The following TEX55 variants were observed in gnomAD, a reference collection of about 807,000 sequenced individuals.
The protein encoded by TEX55 is testis-specific expressed protein 55.
TEX55 carries 31 observed loss-of-function variants against 44.6 expected under a neutral mutation model. The ratio of observed to expected loss-of-function variants is 0.69; its 90% CI spans 0.52 to 0.94. The LOEUF is 0.94. Among genes scored for constraint, TEX55 ranks in the 40% least tolerant of loss-of-function variants. The pLI is 0.00. For synonymous variants in TEX55, 230 were observed against 230.9 expected (o/e 1.00, Z 0.04); for missense variants, 639 against 638.4 (o/e 1.00, Z -0.01).
At position 119,147,036 on chromosome 3, in the gene TEX55, G is replaced by A. The variant is rs771481285; in HGVS notation, c.847G>A (p.Asp283Asn). The change falls in exon 1 of 3, where the codon GAC becomes AAC. Residue 283 changes from aspartate (D) to asparagine (N), a missense_variant. Coordinates refer to ENST00000295622, the MANE Select transcript of TEX55 (RefSeq NM_152539.3). ...TGACTACAGATTGGCTGGCCTGGCT[G>A]ACCCAGGAACTTCTGAGCAGACTGA... ...KTDYRLAGLA[D>N]PGTSEQTDLR... 1 of 1,614,208 alleles carries A rather than the reference G, an allele frequency of 6.2e-7. No individual in the cohort carries two copies. Among genetic ancestry groups the A allele is most frequent in the Admixed American group, 1.7e-5 (1 of 60,028 alleles).
At chr3:119,151,139 T>C (rs2077777424) in intron 2 of TEX55, 85 bp from the exon 3 acceptor site, 1 of 869,782 alleles carries the variant, frequency 1.1e-6, no homozygotes, top group South Asian at 1.4e-5. Context: ...TGTGTTAGGT[T>C]AGTGGGAAAG....
chr3:119,146,967 C>G lies in TEX55; in HGVS notation c.778C>G (p.Arg260Gly), dbSNP rs758956113. ...SDQRPSVQID[R>G]RMSGKVRRRS... ...CCAAAGACCTTCCGTACAGATTGAC[C>G]GCAGAATGTCAGGGAAAGTTAGGAG... The change falls in exon 1 of 3, where the codon CGC becomes GGC. Residue 260 changes from arginine to glycine, a missense_variant. Physicochemically the swap from Arg to Gly is moderately radical, Grantham distance 125. Coordinates refer to ENST00000295622, the MANE Select transcript of TEX55 (RefSeq NM_152539.3). The G allele has an allele frequency of 6.2e-6, 10 of 1,614,062 alleles. No individual in the cohort carries two copies. The highest frequency in any genetic ancestry group is 7.6e-6 in the Non-Finnish European group (9 of 1,180,046).
At position 119,147,064 on chromosome 3, in the gene TEX55, T is replaced by A; in HGVS notation, c.875T>A (p.Leu292His). ...CCAGGAACTTCTGAGCAGACTGACC[T>A]CAGATTGTATGGCCTCGTTGACCAC... ...ADPGTSEQTDLRLYGLVDHKT... is the reference protein window; with the variant it reads ...ADPGTSEQTDHRLYGLVDHKT... The change falls in exon 1 of 3, where the codon CTC becomes CAC. Residue 292 changes from leucine (L) to histidine (H), a missense_variant. By Grantham distance (99) the Leu-to-His change is moderately conservative. Transcript: ENST00000295622. 1 of 1,614,184 alleles carries A rather than the reference T, an allele frequency of 6.2e-7. No homozygotes were observed. The highest frequency in any genetic ancestry group is 8.5e-7 in the Non-Finnish European group (1 of 1,180,034).
In TEX55 at chr3:119,147,204, C is replaced by T. The variant is rs2077736549; in HGVS notation, c.1015C>T (p.His339Tyr). ...NADQPPVDNA[H>Y]YTESDQTDHL... The stretch of plus-strand genomic sequence containing the variant: ...TGATCAACCTCCAGTTGACAATGCT[C>T]ACTACACTGAATCTGACCAGACTGA... The change falls in exon 1 of 3, where the codon CAC (histidine) becomes TAC (tyrosine). Residue 339 changes from histidine to tyrosine, a missense_variant. His to Tyr is a moderately conservative substitution (Grantham distance 83). Transcript: ENST00000295622. The T allele has an allele frequency of 1.1e-5, 17 of 1,614,140 alleles. No homozygotes were observed. Among genetic ancestry groups the T allele is most frequent in the Non-Finnish European group, 1.4e-5 (16 of 1,180,036 alleles).
At position 119,147,531 on chromosome 3, in the gene TEX55, TCCAAATTGAACTATA is replaced by T; in HGVS notation, c.1346_1360del (p.Lys449_Thr453del). 1 of 1,613,994 alleles carries T rather than the reference TCCAAATTGAACTATA, an allele frequency of 6.2e-7. No individual in the cohort carries two copies. The highest frequency in any genetic ancestry group is 8.5e-7 in the Non-Finnish European group (1 of 1,180,012). ...TTTCCCAAGACTCCCCTCCATCTCATCCAAATTGAACTATACCAGCAGTCAAGAAAAAACTCAAGC... is the reference window on the plus strand; with the variant it reads ...TTTCCCAAGACTCCCCTCCATCTCATCCAGCAGTCAAGAAAAAACTCAAGC... On this transcript the variant is annotated inframe_deletion, in exon 1 of 3. Transcript: ENST00000295622.
chr3:119,146,232 C>T lies in TEX55; in HGVS notation c.43C>T (p.His15Tyr). 1 of 1,606,860 alleles carries T rather than the reference C, an allele frequency of 6.2e-7. No individual in the cohort carries two copies. The highest frequency in any genetic ancestry group is 8.5e-7 in the Non-Finnish European group (1 of 1,175,876). Residue 15 changes from histidine to tyrosine, a missense_variant, in exon 1 of 3, where the codon CAT becomes TAT. Physicochemically the swap from His to Tyr is moderately conservative, Grantham distance 83. Transcript: ENST00000295622. ...PQEALAEPLK[H>Y]ESPAAPSSAG... ...AGAGGCTCTGGCTGAACCCTTGAAA[C>T]ATGAAAGCCCAGCCGCTCCCTCAAG...
At position 119,151,385 on chromosome 3, in the gene TEX55, G is replaced by A. The variant is rs2077779456; in HGVS notation, c.*93G>A. 1 of 995,666 alleles carries A rather than the reference G, an allele frequency of 1.0e-6. No homozygotes were observed. Among genetic ancestry groups the A allele is most frequent in the African/African-American group, 1.7e-5 (1 of 60,556 alleles). 61.7% of individuals were successfully genotyped at this position (995,666 alleles called of 1,614,324 possible). On this transcript the variant is annotated 3_prime_UTR_variant, in exon 3 of 3. Coordinates refer to ENST00000295622, the MANE Select transcript of TEX55 (RefSeq NM_152539.3). ...TATAGAACAAAGTACGTACAACTCT[G>A]AATTCTTATGAAGTAAACATACCTG...
In TEX55 at chr3:119,147,433, C is replaced by G; in HGVS notation, c.1244C>G (p.Ala415Gly). The G allele has an allele frequency of 6.2e-7, 1 of 1,614,112 alleles. No individual in the cohort carries two copies. Among genetic ancestry groups the G allele is most frequent in the South Asian group, 1.1e-5 (1 of 91,078 alleles). ...KPSVEMETQN[A>G]TTIPPYNPVD... ...TCAGTTGAAATGGAAACTCAGAATG[C>G]AACCACTATCCCACCCTACAACCCA... Residue 415 changes from alanine to glycine, a missense_variant, in exon 1 of 3, where the codon GCA (alanine) becomes GGA (glycine). Ala to Gly is a moderately conservative substitution (Grantham distance 60). Transcript: ENST00000295622.
intron 1 of TEX55, 133 bp downstream of exon 1, chr3:119,147,720 ATG>A (rs2077742669): frequency 2.6e-6 from 2 of 769,988 alleles, no homozygotes; most frequent in Non-Finnish European, 4.1e-6. Flanking sequence ...ATGTTGTGGT[ATG>A]TGTGACCCAT....
In TEX55 at chr3:119,148,163, G is replaced by A. The variant is rs763416781; in HGVS notation, c.1399-17G>A. On this transcript the variant is annotated splice_polypyrimidine_tract_variant and intron_variant, in intron 1 of 2. Transcript: ENST00000295622. Reference sequence around the variant, plus strand: ...AGGTTTACTAAGGACTTTTTGGTGGGGGGATTTAAATTTCAGGATGAATTT... The same window carrying A: ...AGGTTTACTAAGGACTTTTTGGTGGAGGGATTTAAATTTCAGGATGAATTT... 11 of 1,599,222 alleles carry A rather than the reference G, an allele frequency of 6.9e-6. No individual in the cohort carries two copies. Among genetic ancestry groups the A allele is most frequent in the Non-Finnish European group, 3.4e-6 (4 of 1,175,380 alleles).
chr3:119,150,244 T>A (rs1347097438), intron 2 of TEX55, among the ~76,000 whole-genome samples: 1 of 152,172 alleles, frequency 6.6e-6, no homozygotes, highest in East Asian at 1.9e-4. Flanking sequence ...ATTAAAGAAC[T>A]ACTAATTATT....
rs1177292440 is a variant in TEX55 at position 119,146,199 on chromosome 3, C to T, written c.10C>T (p.Pro4Ser). The change falls in exon 1 of 3, where the codon CCT (proline) becomes TCT (serine). Residue 4 changes from proline (P) to serine (S), a missense_variant. Physicochemically the swap from Pro to Ser is moderately conservative, Grantham distance 74. Transcript: ENST00000295622. ...AGGGACGCGGCAGGAAATGGAAGAG[C>T]CTCCGCAAGAGGCTCTGGCTGAACC... MEE[P>S]PQEALAEPLK... 6.2e-7 allele frequency: 1 copy of T among 1,603,910 alleles called. No individual in the cohort carries two copies. The highest frequency in any genetic ancestry group is 1.1e-5 in the South Asian group (1 of 89,472).
chr3:119,150,973 C>T (rs142045469), intron 2 of TEX55, among the ~76,000 whole-genome samples: 97 of 152,236 alleles, frequency 6.4e-4, no homozygotes, highest in African/African-American at 2.3e-3. Flanking sequence ...GTGGTGTGCA[C>T]CTATAGTCCT....
intron 2 of TEX55, among the ~76,000 whole-genome samples, chr3:119,150,886 A>G (rs2077775324): frequency 6.6e-6 from 1 of 152,192 alleles, no homozygotes; most frequent in East Asian, 1.9e-4. Context: ...GCCTAATTTT[A>G]TTAGTAATAA....
At chr3:119,148,681 A>C (rs2077753485) in intron 2 of TEX55, among the ~76,000 whole-genome samples, 1 of 152,230 alleles carries the variant, frequency 6.6e-6, no homozygotes, top group Non-Finnish European at 1.5e-5. Flanking sequence ...GAGAGTTCTG[A>C]AACATGCATC....
chr3:119,147,454 A>T lies in TEX55; in HGVS notation c.1265A>T (p.Asn422Ile). ...AATGCAACCACTATCCCACCCTACAACCCAGTTGATGCCAGATTCACCAGT... is the reference window on the plus strand; with the variant it reads ...AATGCAACCACTATCCCACCCTACATCCCAGTTGATGCCAGATTCACCAGT... ...TQNATTIPPY[N>I]PVDARFTSNF... Residue 422 changes from asparagine (N) to isoleucine (I), a missense_variant, in exon 1 of 3, where the codon AAC (asparagine) becomes ATC (isoleucine). By Grantham distance (149) the Asn-to-Ile change is moderately radical. Coordinates refer to ENST00000295622, the MANE Select transcript of TEX55 (RefSeq NM_152539.3). 6.2e-7 allele frequency: 1 copy of T among 1,613,942 alleles called. No individual in the cohort carries two copies. Among genetic ancestry groups the T allele is most frequent in the Non-Finnish European group, 8.5e-7 (1 of 1,179,982 alleles).
At chr3:119,148,438 T>A in intron 2 of TEX55, 115 bp downstream of exon 2, 1 of 968,390 alleles carries the variant, frequency 1.0e-6, no homozygotes, top group Non-Finnish European at 1.5e-6. Context: ...CATTAAGATG[T>A]AGTTACCATA....
rs768389980 is a variant in TEX55 at position 119,146,599 on chromosome 3, T to C, written c.410T>C (p.Leu137Pro). 2 of 1,613,950 alleles carry C rather than the reference T, an allele frequency of 1.2e-6. No individual in the cohort carries two copies. Among genetic ancestry groups the C allele is most frequent in the Non-Finnish European group, 1.7e-6 (2 of 1,180,046 alleles). The change falls in exon 1 of 3, where the codon CTG (leucine) becomes CCG (proline). Residue 137 changes from leucine (L) to proline (P), a missense_variant. Physicochemically the swap from Leu to Pro is moderately conservative, Grantham distance 98 (BLOSUM62 -3). Transcript: ENST00000295622. ...CAGAGTGATGGTCAGGTGTCTGGCC[T>C]GACGGAGGAAAGAACTGCTGAACAG... ...HEQSDGQVSG[L>P]TEERTAEQTE... is the part of the protein sequence containing the mutation.
rs1445220361 is a variant in TEX55, at chr3:119,146,591, G to A, written c.402G>A (p.Val134=). ...NVQHEQSDGQ[V]SGLTEERTAE... ...AGCATGAACAGAGTGATGGTCAGGTGTCTGGCCTGACGGAGGAAAGAACTG... is the reference window on the plus strand; with the variant it reads ...AGCATGAACAGAGTGATGGTCAGGTATCTGGCCTGACGGAGGAAAGAACTG... Residue 134 remains valine (V), a synonymous_variant, in exon 1 of 3, where the codon GTG becomes GTA. Transcript: ENST00000295622. 1.9e-6 allele frequency: 3 copies of A among 1,614,020 alleles called. No homozygotes were observed. The highest frequency in any genetic ancestry group is 2.2e-5 in the East Asian group (1 of 44,888).
Sources: gnomAD v4.1 joint callset for allele counts (sites outside exome capture counted in the v4.1 genomes callset) on GRCh38, gnomAD v4.1.1 for gene constraint, MANE v1.5 for transcripts, NCBI Gene and HGNC (gene_info 2026-07-23, HGNC 2026-07-21) for gene names.